The following UBE2E3 variants were observed in gnomAD, a reference collection of about 807,000 sequenced individuals.
The protein encoded by UBE2E3 is ubiquitin conjugating enzyme E2 E3, also known as ubiquitin-conjugating enzyme E2 E3.
A neutral mutation model predicts 23.6 loss-of-function variants in UBE2E3; 5 were observed. The ratio of observed to expected loss-of-function variants is 0.21; its 90% CI spans 0.11 to 0.44. The LOEUF (loss-of-function observed/expected upper bound fraction) is 0.44. Among genes scored for constraint, UBE2E3 ranks in the 20% least tolerant of loss-of-function variants. UBE2E3 has a pLI of 0.99. For missense variants in UBE2E3, 81 were observed against 249.8 expected (o/e 0.32, Z 4.55); for synonymous variants, 78 against 87.5 (o/e 0.89, Z 0.60).
intron 3 of UBE2E3, among the ~76,000 whole-genome samples, chr2:181,035,576 A>T (rs576718168): frequency 2.0e-5 from 3 of 152,302 alleles, no homozygotes; most frequent in Admixed American, 2.0e-4. Flanking sequence ...ATTAGTAATG[A>T]TACATAGCAA....
At chr2:181,001,159 T>A (rs1182752291) in intron 3 of UBE2E3, among the ~76,000 whole-genome samples, 3 of 152,224 alleles carry the variant, frequency 2.0e-5, no homozygotes. Flanking sequence ...AGAAGAATGC[T>A]TAAGAATTTT....
intron 3 of UBE2E3, among the ~76,000 whole-genome samples, chr2:181,033,978 TA>T (rs1686177905): frequency 6.6e-6 from 1 of 152,118 alleles, no homozygotes; most frequent in African/African-American, 2.4e-5. Flanking sequence ...CACAATGAGA[TA>T]CCATCTCACA....
intron 3 of UBE2E3, among the ~76,000 whole-genome samples, chr2:181,053,141 T>C (rs1188250630): frequency 6.6e-6 from 1 of 151,764 alleles, no homozygotes; most frequent in African/African-American, 2.4e-5. Context: ...TTTGAAAGAG[T>C]AGGAAAAGAT....
chr2:181,003,503 A>G (rs1354213750), intron 3 of UBE2E3, among the ~76,000 whole-genome samples: 1 of 152,200 alleles, frequency 6.6e-6, no homozygotes, highest in Non-Finnish European at 1.5e-5. Flanking sequence ...AAAACAATCT[A>G]ATTACAGTTG....
intron 4 of UBE2E3, among the ~76,000 whole-genome samples, chr2:181,058,876 T>C (rs1182788982): frequency 2.0e-5 from 3 of 151,870 alleles, no homozygotes; most frequent in East Asian, 1.9e-4. Flanking sequence ...CAGCTGTTAG[T>C]GTTTAAAGTG....
Position 181,062,958 on chromosome 2 carries a change from C to T in UBE2E3, c.*70C>T, listed in dbSNP as rs1030432053. ...TCACTGTGCTGCAAATCTTTATAGC[C>T]TTTACAATACGGACTTCTGTGTATA... On this transcript the variant is annotated 3_prime_UTR_variant, in exon 6 of 6. Coordinates refer to ENST00000410062, the MANE Select transcript of UBE2E3 (RefSeq NM_006357.4). The T allele has an allele frequency of 1.1e-5, 10 of 928,354 alleles. No homozygotes were observed. The highest frequency in any genetic ancestry group is 2.2e-4 in the Middle Eastern group (1 of 4,550). 57.5% of individuals were successfully genotyped at this position (928,354 alleles called of 1,614,324 possible).
intron 3 of UBE2E3, among the ~76,000 whole-genome samples, chr2:181,003,976 A>C (rs937917404): frequency 2.0e-5 from 3 of 152,200 alleles, no homozygotes; most frequent in African/African-American, 7.2e-5. Flanking sequence ...TAAATGATGG[A>C]AGCAAGATTC....
intron 4 of UBE2E3, among the ~76,000 whole-genome samples, chr2:181,058,819 T>C (rs1559137627): frequency 1.3e-5 from 2 of 151,770 alleles, no homozygotes; most frequent in Non-Finnish European, 2.9e-5. Context: ...ACGAGTGCCA[T>C]CTAGTGGTAT....
chr2:180,986,682 A>G (rs1366206941), intron 3 of UBE2E3, among the ~76,000 whole-genome samples: 1 of 152,134 alleles, frequency 6.6e-6, no homozygotes, highest in Non-Finnish European at 1.5e-5. Context: ...GAAACCTAAT[A>G]CATTTGGCTT....
At chr2:181,041,889 A>G (rs1686516893) in intron 3 of UBE2E3, among the ~76,000 whole-genome samples, 1 of 152,230 alleles carries the variant, frequency 6.6e-6, no homozygotes, top group African/African-American at 2.4e-5. Context: ...CATCCTTGCC[A>G]TCACAAAGTG....
At chr2:181,034,321 T>C (rs1686191039) in intron 3 of UBE2E3, among the ~76,000 whole-genome samples, 1 of 152,186 alleles carries the variant, frequency 6.6e-6, no homozygotes, top group Admixed American at 6.5e-5. Flanking sequence ...ATGTGGCACA[T>C]ATACACCATG....
intron 3 of UBE2E3, chr2:180,987,299 A>G (rs1684508495): frequency 6.5e-7 from 1 of 1,545,780 alleles, no homozygotes; most frequent in African/African-American, 1.4e-5. Context: ...TTGTTTAGTG[A>G]TGTGTTATTA....
At chr2:181,049,891 T>C (rs1326755937) in intron 3 of UBE2E3, among the ~76,000 whole-genome samples, 3 of 151,958 alleles carry the variant, frequency 2.0e-5, no homozygotes, top group African/African-American at 7.2e-5. Context: ...TATGAAATAC[T>C]ACTACTTTTC....
chr2:181,050,229 C>T (rs1438218860), intron 3 of UBE2E3, among the ~76,000 whole-genome samples: 5 of 151,894 alleles, frequency 3.3e-5, no homozygotes, highest in African/African-American at 9.7e-5. Flanking sequence ...GAGTTACATA[C>T]TAGTATAGAT....
Position 181,026,293 on chromosome 2 carries a change from G to A in UBE2E3, c.246-31400G>A, listed in dbSNP as rs572300171. On this transcript the variant is annotated intron_variant, in intron 3 of 5. Transcript: ENST00000410062. ...ATATAGATTACATATTCTGTAGATT[G>A]TCATGGCATTTTTTTGTAATCTGAT... is the stretch of plus-strand genomic sequence containing the variant. 3.3e-5 allele frequency among the ~76,000 whole-genome samples: 5 copies of A among 151,162 alleles called. No homozygotes were observed. In the South Asian group the frequency reaches 1.0e-3, roughly 32 times the overall value.
chr2:181,000,894 G>C (rs1242898613), intron 3 of UBE2E3, among the ~76,000 whole-genome samples: 2 of 152,120 alleles, frequency 1.3e-5, no homozygotes, highest in African/African-American at 4.8e-5. Flanking sequence ...AAGAATTCTT[G>C]TGCTTTGAAA....
chr2:181,009,119 C>T (rs1685240624), intron 3 of UBE2E3, among the ~76,000 whole-genome samples: 1 of 152,104 alleles, frequency 6.6e-6, no homozygotes, highest in South Asian at 2.1e-4. Context: ...AGTTCTTCTA[C>T]ATTTTGTCAC....
intron 3 of UBE2E3, among the ~76,000 whole-genome samples, chr2:181,016,251 A>T (rs867035534): frequency 7.1e-4 from 107 of 151,232 alleles, no homozygotes; most frequent in Admixed American, 1.8e-3. Context: ...TTTTTTTTTT[A>T]AATTTTTTAG....
At chr2:181,056,999 A>G (rs1687008581) in intron 3 of UBE2E3, among the ~76,000 whole-genome samples, 1 of 151,706 alleles carries the variant, frequency 6.6e-6, no homozygotes, top group Non-Finnish European at 1.5e-5. Context: ...TCATGAGGAA[A>G]CATGGCAAGC....
Sources: gnomAD v4.1 joint callset for allele counts (sites outside exome capture counted in the v4.1 genomes callset) on GRCh38, gnomAD v4.1.1 for gene constraint, MANE v1.5 for transcripts, NCBI Gene and HGNC (gene_info 2026-07-23, HGNC 2026-07-21) for gene names.